Variants in TSPEAR observed in about 807,000 individuals in gnomAD.
TSPEAR encodes thrombospondin-type laminin G domain and EAR repeat-containing protein.
In TSPEAR, 69 loss-of-function variants were observed where a neutral mutation model predicts 71.6. That is an observed-to-expected ratio of 0.96 (90% CI 0.79 to 1.18). TSPEAR has a LOEUF of 1.18. Ranked by LOEUF, TSPEAR falls within the 50% of genes most tolerant of loss-of-function variation. The probability of loss-of-function intolerance (pLI) is 0.00; values close to 1 mark genes in which losing one functional copy is unlikely to be tolerated. For synonymous variants in TSPEAR, 402 were observed against 387.2 expected (o/e 1.04, Z -0.45); for missense variants, 971 against 894.9 (o/e 1.09, Z -1.09).
chr21:44,529,933 G>T lies in TSPEAR; in HGVS notation c.655C>A (p.Leu219Met). ...GGGGTGGCGTCTGAGCCCGGCAGCA[G>T]GACCAGTTGCCTCACCAGTCCCTGC... is the stretch of plus-strand genomic sequence containing the variant. Reference protein sequence around the residue: ...LFMGLVRQLVLLPGSDATPRL... With the variant: ...LFMGLVRQLVMLPGSDATPRL... Residue 219 changes from leucine to methionine, a missense_variant, in exon 5 of 12, where the codon CTG becomes ATG. Physicochemically the swap from Leu to Met is conservative, Grantham distance 15. Transcript: ENST00000323084. The T allele has an allele frequency of 6.2e-7, 1 of 1,605,506 alleles. No homozygotes were observed. The highest frequency in any genetic ancestry group is 8.5e-7 in the Non-Finnish European group (1 of 1,177,956).
intron 9 of TSPEAR, chr21:44,517,321 C>T (rs1486922763): frequency 6.2e-6 from 1 of 162,174 alleles, no homozygotes; most frequent in African/African-American, 2.4e-5. Flanking sequence ...GGAACACCGC[C>T]TAGTCCAGGG....
intron 1 of TSPEAR, among the ~76,000 whole-genome samples, chr21:44,694,658 T>C (rs1987253934): frequency 6.6e-6 from 1 of 152,268 alleles, no homozygotes; most frequent in Admixed American, 6.5e-5. Flanking sequence ...AAAACATTTT[T>C]AAAGGCAGTC....
At chr21:44,629,277 C>T (rs1983110199) in intron 1 of TSPEAR, among the ~76,000 whole-genome samples, 1 of 152,216 alleles carries the variant, frequency 6.6e-6, no homozygotes. Flanking sequence ...GCTGCTGTGA[C>T]AAAGTCCACG....
chr21:44,568,658 C>T (rs973629304), intron 1 of TSPEAR, among the ~76,000 whole-genome samples: 1 of 152,144 alleles, frequency 6.6e-6, no homozygotes, highest in African/African-American at 2.4e-5. Flanking sequence ...GCATTCGGGG[C>T]TAGCAGAGGG....
At position 44,518,417 on chromosome 21, in the gene TSPEAR, C is replaced by T. The variant is rs1601349872; in HGVS notation, c.1566+3466G>A. ...CTGTAAATTGGACTTGGTGTTATCACAGGGGCTTTAGGATCACGGTGTTGG... is the reference window on the plus strand; with the variant it reads ...CTGTAAATTGGACTTGGTGTTATCATAGGGGCTTTAGGATCACGGTGTTGG... On this transcript the variant is annotated intron_variant, in intron 9 of 11. Transcript: ENST00000323084. 7.4e-6 allele frequency: 3 copies of T among 407,470 alleles called. No homozygotes were observed. In the East Asian group the frequency reaches 2.2e-4, roughly 30 times the overall value. 25.2% of individuals were successfully genotyped at this position (407,470 alleles called of 1,614,324 possible).
intron 1 of TSPEAR, among the ~76,000 whole-genome samples, chr21:44,640,314 T>C (rs782213783): frequency 1.3e-5 from 2 of 152,234 alleles, no homozygotes; most frequent in African/African-American, 4.8e-5. Flanking sequence ...GGTGGGATTC[T>C]ATTTGTATGA....
intron 1 of TSPEAR, among the ~76,000 whole-genome samples, chr21:44,689,433 C>T (rs6518202): frequency 0.49 from 72,462 of 149,352 alleles, 17,690 homozygotes; most frequent in Middle Eastern, 0.57. Context: ...ACCTGGGAGG[C>T]GGAGCTTGCA....
At chr21:44,634,750 A>T (rs1555936311) in intron 1 of TSPEAR, among the ~76,000 whole-genome samples, 3 of 152,370 alleles carry the variant, frequency 2.0e-5, no homozygotes, top group African/African-American at 7.2e-5. Flanking sequence ...ATTGGTCATT[A>T]GGGAAACAGA....
intron 1 of TSPEAR, among the ~76,000 whole-genome samples, chr21:44,594,901 C>T (rs1250967949): frequency 1.3e-5 from 2 of 150,744 alleles, no homozygotes; most frequent in Admixed American, 1.3e-4. Context: ...CAGCTCACCG[C>T]AGCCTCCACC....
At chr21:44,644,939 A>AGAG (rs1569237234) in intron 1 of TSPEAR, among the ~76,000 whole-genome samples, 58 of 151,644 alleles carry the variant, frequency 3.8e-4, no homozygotes, top group Non-Finnish European at 4.4e-4. Context: ...GAGTTAAGGA[A>AGAG]AGAGAGAAAC....
chr21:44,578,703 T>A (rs1978639294), intron 1 of TSPEAR, among the ~76,000 whole-genome samples: 1 of 152,076 alleles, frequency 6.6e-6, no homozygotes, highest in Non-Finnish European at 1.5e-5. Context: ...ATTTACCCAC[T>A]GGGGACAGTT....
At chr21:44,504,960 A>C in intron 10 of TSPEAR, 79 bp from the exon 11 acceptor site, 1 of 1,170,086 alleles carries the variant, frequency 8.5e-7, no homozygotes, top group Non-Finnish European at 1.3e-6. Context: ...AGCTACCTCC[A>C]AAATTTATAG....
rs782412783 is a variant in TSPEAR, at chr21:44,612,664, C to T, written c.83-44659G>A. ...GCTCTGGGGCTTCCTCTCTGTGCTGCCAGAAGTCTAGCTGCCAGCCGGCTT... is the reference window on the plus strand; with the variant it reads ...GCTCTGGGGCTTCCTCTCTGTGCTGTCAGAAGTCTAGCTGCCAGCCGGCTT... On this transcript the variant is annotated intron_variant, in intron 1 of 11. Transcript: ENST00000323084. The surrounding 1 kb of genome is among the most constrained non-coding windows in gnomAD (Gnocchi z 4.1). 2 of 1,614,138 alleles carry T rather than the reference C, an allele frequency of 1.2e-6. No individual in the cohort carries two copies. The highest frequency in any genetic ancestry group is 1.3e-5 in the African/African-American group (1 of 75,010).
rs782724224 is a variant in TSPEAR, at chr21:44,567,965, A to G, written c.123T>C (p.Ser41=). Residue 41 remains serine (S), a synonymous_variant, in exon 2 of 12, where the codon TCT becomes TCC. Transcript: ENST00000323084. The part of the protein sequence containing the change: ...PLDILAEVVP[S]DGATSGIRIV... ...TCCTGATCCCGCTTGTGGCGCCATCAGAAGGGACCACTTCCGCCAGGATGT... is the reference window on the plus strand; with the variant it reads ...TCCTGATCCCGCTTGTGGCGCCATCGGAAGGGACCACTTCCGCCAGGATGT... 1.9e-6 allele frequency: 3 copies of G among 1,565,304 alleles called. No individual in the cohort carries two copies. Among genetic ancestry groups the G allele is most frequent in the South Asian group, 2.3e-5 (2 of 85,296 alleles).
intron 1 of TSPEAR, among the ~76,000 whole-genome samples, chr21:44,590,004 G>T (rs2146119011): frequency 6.6e-6 from 1 of 152,358 alleles, no homozygotes; most frequent in South Asian, 2.1e-4. Flanking sequence ...CTTCCAAGGA[G>T]GTGGACAAGG....
rs11910629 is a variant in TSPEAR at position 44,540,126 on chromosome 21, A to G, written c.304-6203T>C. ...CAGGAGTCGGAGCAAGCGCTGGAGC[A>G]GACGGACATGGTGGACGCGGCCATG... On this transcript the variant is annotated intron_variant, in intron 2 of 11. Coordinates refer to ENST00000323084, the MANE Select transcript of TSPEAR (RefSeq NM_144991.3). 1.1e-3 allele frequency: 1,742 copies of G among 1,613,694 alleles called. 23 individuals carry two copies. The African/African-American group carries it at 0.02, about 18-fold the overall frequency.
chr21:44,593,638 A>T lies in TSPEAR; in HGVS notation c.83-25633T>A, dbSNP rs1401094341. On this transcript the variant is annotated intron_variant, in intron 1 of 11. Coordinates refer to ENST00000323084, the MANE Select transcript of TSPEAR (RefSeq NM_144991.3). The surrounding 1 kb of genome is among the most constrained non-coding windows in gnomAD (Gnocchi z 5.9). ...GGTTTCGACACAACCACTACCCAGCACTAAAGTTAAAATAGAGACCGTAAG... is the reference window on the plus strand; with the variant it reads ...GGTTTCGACACAACCACTACCCAGCTCTAAAGTTAAAATAGAGACCGTAAG... Among the ~76,000 whole-genome samples the T allele has an allele frequency of 1.3e-5, 2 of 152,094 alleles. No homozygotes were observed. The highest frequency in any genetic ancestry group is 2.4e-5 in the African/African-American group (1 of 41,402).
At chr21:44,619,174 A>G (rs781998108) in intron 1 of TSPEAR, among the ~76,000 whole-genome samples, 1 of 152,256 alleles carries the variant, frequency 6.6e-6, no homozygotes, top group African/African-American at 2.4e-5. Context: ...GGACCAACAT[A>G]CAGAGCCCAG....
intron 8 of TSPEAR, among the ~76,000 whole-genome samples, chr21:44,523,492 C>T (rs1041720773): frequency 3.3e-5 from 5 of 150,744 alleles, no homozygotes; most frequent in African/African-American, 7.3e-5. Context: ...GTTTGGTAGT[C>T]GGTCAGGTAG....
Sources: gnomAD v4.1 joint callset for allele counts (sites outside exome capture counted in the v4.1 genomes callset) on GRCh38, gnomAD v4.1.1 for gene constraint, Gnocchi (gnomAD v3.1) non-coding constraint, MANE v1.5 for transcripts, NCBI Gene and HGNC (gene_info 2026-07-23, HGNC 2026-07-21) for gene names.